MYH15: variants seen among roughly 807,000 people sequenced by gnomAD.
MYH15 encodes myosin heavy chain 15, also known as myosin-15.
MYH15 carries 227 observed loss-of-function variants against 240.5 expected under a neutral mutation model. The ratio of observed to expected loss-of-function variants is 0.94; its 90% CI spans 0.85 to 1.05. The LOEUF (loss-of-function observed/expected upper bound fraction) is 1.05. MYH15 is among the 50% of genes least tolerant of loss of function. The pLI, the probability that MYH15 is intolerant of heterozygous loss-of-function variation, is 0.00. For synonymous variants in MYH15, 785 were observed against 796.7 expected (o/e 0.99, Z 0.25); for missense variants, 2,217 against 2,247.5 (o/e 0.99, Z 0.27).
chr3:108,464,857 C>T lies in MYH15; in HGVS notation c.1555-43G>A, dbSNP rs200155866. The T allele has an allele frequency of 2.8e-4, 420 of 1,515,566 alleles. 2 individuals are homozygous for T. Among genetic ancestry groups the T allele is most frequent in the African/African-American group, 1.7e-3 (121 of 71,170 alleles). The allele number at this position is 1,515,566 out of a possible 1,614,324, so 93.9% of individuals were successfully genotyped here. A position where few individuals can be genotyped will look rare whatever the true frequency, so the allele number is the denominator to read the frequency against. On this transcript the variant is annotated intron_variant, in intron 14 of 40. Transcript: ENST00000693548. ...GAGCAGCAGATTTCTTTAAAAACAC[C>T]GGCACTTTCAGTAGGGGGTCAGTAT...
chr3:108,532,904 G>A (rs1268693756), upstream of MYH15, among the ~76,000 whole-genome samples: 1 of 152,244 alleles, frequency 6.6e-6, no homozygotes, highest in Admixed American at 6.5e-5. Context: ...GCTACTGAGC[G>A]TGTAGTTCCA....
chr3:108,465,061 C>G (rs4586815), intron 14 of MYH15, among the ~76,000 whole-genome samples: 2 of 152,180 alleles, frequency 1.3e-5, no homozygotes, highest in South Asian at 2.1e-4. Flanking sequence ...CCTCAGGGTG[C>G]GTACATTTAG....
chr3:108,424,950 A>C (rs1374491780), intron 27 of MYH15, among the ~76,000 whole-genome samples: 1 of 152,204 alleles, frequency 6.6e-6, no homozygotes, highest in Non-Finnish European at 1.5e-5. Flanking sequence ...GTATACGTAA[A>C]AGTTGATGCT....
chr3:108,480,021 GATAA>G (rs1468234950), intron 11 of MYH15, among the ~76,000 whole-genome samples: 2 of 152,002 alleles, frequency 1.3e-5, no homozygotes, highest in East Asian at 3.9e-4. Context: ...GTAATAAGAA[GATAA>G]ATAAACAAGG....
chr3:108,397,645 T>C (rs576328176), intron 35 of MYH15, among the ~76,000 whole-genome samples: 1 of 152,344 alleles, frequency 6.6e-6, no homozygotes, highest in Admixed American at 6.5e-5. Context: ...CTAGAAACTA[T>C]GGCTTCTTCT....
intron 39 of MYH15, among the ~76,000 whole-genome samples, chr3:108,384,407 C>T (rs925271736): frequency 8.5e-5 from 13 of 152,286 alleles, no homozygotes; most frequent in Admixed American, 7.2e-4. Context: ...GCCTTCCCTA[C>T]GTGACACTCT....
the MYH15 span, among the ~76,000 whole-genome samples, chr3:108,539,949 A>C: frequency 1.3e-5 from 2 of 152,138 alleles, no homozygotes; most frequent in South Asian, 2.1e-4. Flanking sequence ...CTTCTTTTTA[A>C]AGCTAGAATA....
At chr3:108,470,951 T>C (rs1469176527) in intron 12 of MYH15, 104 bp from the exon 13 acceptor site, 2 of 1,103,612 alleles carry the variant, frequency 1.8e-6, no homozygotes, top group Admixed American at 2.2e-5. Flanking sequence ...AGGATGTCTT[T>C]ATTGACCTTC....
intron 32 of MYH15, among the ~76,000 whole-genome samples, chr3:108,406,523 A>C (rs2082547582): frequency 6.6e-6 from 1 of 152,244 alleles, no homozygotes; most frequent in Non-Finnish European, 1.5e-5. Flanking sequence ...ATAGTGTAGT[A>C]GTTCCTTCAA....
At chr3:108,532,286 T>TG (rs1305774933), upstream of MYH15, among the ~76,000 whole-genome samples, 2 of 152,220 alleles carry the variant, frequency 1.3e-5, no homozygotes, top group African/African-American at 4.8e-5. Flanking sequence ...CAAAGCAGAT[T>TG]GGTCTCACTA....
At chr3:108,388,912 G>A in intron 38 of MYH15, 58 bp downstream of exon 38, 1 of 1,473,206 alleles carries the variant, frequency 6.8e-7, no homozygotes, top group East Asian at 2.3e-5. Flanking sequence ...GCTTGAAGGA[G>A]TACTTTTCTG....
intron 9 of MYH15, among the ~76,000 whole-genome samples, chr3:108,489,725 T>G (rs985884242): frequency 6.6e-6 from 1 of 152,184 alleles, no homozygotes; most frequent in African/African-American, 2.4e-5. Flanking sequence ...GACATCATCC[T>G]CATATCGTTA....
chr3:108,418,986 C>CA (rs969917056), intron 28 of MYH15, among the ~76,000 whole-genome samples: 1 of 152,178 alleles, frequency 6.6e-6, no homozygotes, highest in Admixed American at 6.6e-5. Flanking sequence ...CTCCTTGCCT[C>CA]AAGTGATCCG....
intron 21 of MYH15, among the ~76,000 whole-genome samples, chr3:108,452,305 G>C (rs2082980665): frequency 6.6e-6 from 1 of 152,056 alleles, no homozygotes; most frequent in African/African-American, 2.4e-5. Flanking sequence ...TCAGAAAATG[G>C]AGTATTTTGA....
At position 108,437,674 on chromosome 3, in the gene MYH15, C is replaced by A. The variant is rs749554821; in HGVS notation, c.3101G>T (p.Arg1034Ile). 9 of 1,613,534 alleles carry A rather than the reference C, an allele frequency of 5.6e-6. No homozygotes were observed. The highest frequency in any genetic ancestry group is 7.6e-6 in the Non-Finnish European group (9 of 1,179,894). ...DELEGALEQE[R>I]KARMNCEREL... The stretch of plus-strand genomic sequence containing the variant: ...CCTTTCACAGTTCATTCTCGCTTTT[C>A]TCTCCTGCTCAAGGGCACCCTCAAG... Residue 1034 changes from arginine (R) to isoleucine (I), a missense_variant, in exon 25 of 41, where the codon AGA becomes ATA. Physicochemically the swap from Arg to Ile is moderately conservative, Grantham distance 97. Coordinates refer to ENST00000693548, the MANE Select transcript of MYH15 (RefSeq NM_014981.3).
intron 25 of MYH15, among the ~76,000 whole-genome samples, chr3:108,436,687 T>C (rs2082840378): frequency 6.6e-6 from 1 of 152,130 alleles, no homozygotes; most frequent in South Asian, 2.1e-4. Flanking sequence ...TATGGGCACA[T>C]GCCATCACGC....
chr3:108,419,341 TA>T (rs2082662831), intron 28 of MYH15, among the ~76,000 whole-genome samples: 1 of 152,068 alleles, frequency 6.6e-6, no homozygotes, highest in South Asian at 2.1e-4. Context: ...AAGGTAAAGT[TA>T]AAAAAAGGAA....
Position 108,479,660 on chromosome 3 carries a change from C to G in MYH15, c.1115-3145G>C, listed in dbSNP as rs562194609. On this transcript the variant is annotated intron_variant, in intron 11 of 40. Transcript: ENST00000693548. ...CGATTCTGTTGAGCAGCCAAGTTTG[C>G]AAACTACTGTCTAGAGAATAATAAC... Among the ~76,000 whole-genome samples, 10 of 152,280 alleles carry G rather than the reference C, an allele frequency of 6.6e-5. No homozygotes were observed. In the South Asian group the frequency reaches 1.9e-3, roughly 28 times the overall value.
intron 4 of MYH15, 51 bp from the exon 5 acceptor site, chr3:108,499,533 A>G (rs751795189): frequency 1.3e-6 from 2 of 1,564,642 alleles, no homozygotes; most frequent in African/African-American, 1.4e-5. Flanking sequence ...ATATTTATGT[A>G]TTAGTATGAA....
Sources: gnomAD v4.1 joint callset for allele counts (sites outside exome capture counted in the v4.1 genomes callset) on GRCh38, gnomAD v4.1.1 for gene constraint, MANE v1.5 for transcripts, NCBI Gene and HGNC (gene_info 2026-07-23, HGNC 2026-07-21) for gene names.